Variants in NETO1 observed in about 807,000 individuals in gnomAD.
NETO1 encodes the protein neuropilin and tolloid-like protein 1.
In NETO1, 26 loss-of-function variants were observed where a neutral mutation model predicts 61.3. The ratio of observed to expected loss-of-function variants is 0.42; its 90% CI spans 0.31 to 0.59. The LOEUF (loss-of-function observed/expected upper bound fraction) is 0.59. Ranked by LOEUF, NETO1 falls within the 20% of genes least tolerant of loss-of-function variation. The pLI is 0.12. For missense variants in NETO1, 531 were observed against 662.8 expected (o/e 0.80, Z 2.18); for synonymous variants, 225 against 225.8 (o/e 1.00, Z 0.03).
intron 8 of NETO1, among the ~76,000 whole-genome samples, chr18:72,753,939 C>A (rs2070705440): frequency 6.6e-6 from 1 of 152,078 alleles, no homozygotes; most frequent in Admixed American, 6.5e-5. Flanking sequence ...TACTTGCTGT[C>A]CTTTCTTCTC....
chr18:72,858,117 G>C (rs1348298488), intron 4 of NETO1, among the ~76,000 whole-genome samples: 2 of 152,110 alleles, frequency 1.3e-5, no homozygotes, highest in Non-Finnish European at 2.9e-5. Flanking sequence ...TGCATGTAGT[G>C]TTCTTGCAGT....
intron 4 of NETO1, among the ~76,000 whole-genome samples, chr18:72,824,052 G>A (rs1270112916): frequency 6.6e-6 from 1 of 152,222 alleles, no homozygotes; most frequent in Non-Finnish European, 1.5e-5. Flanking sequence ...TTGGGAACAA[G>A]AGCTTGACTT....
At chr18:72,753,658 A>G (rs990285962) in intron 8 of NETO1, among the ~76,000 whole-genome samples, 2 of 152,222 alleles carry the variant, frequency 1.3e-5, no homozygotes, top group African/African-American at 2.4e-5. Context: ...GTGAATATGT[A>G]AATAATTGCA....
chr18:72,750,188 C>T lies in NETO1; in HGVS notation c.1415G>A (p.Arg472Lys). 1 of 1,613,998 alleles carries T rather than the reference C, an allele frequency of 6.2e-7. No individual in the cohort carries two copies. The highest frequency in any genetic ancestry group is 8.5e-7 in the Non-Finnish European group (1 of 1,179,964). ...PGKPLIPPMN[R>K]RNILVMKHSY... ...GTGTTTCATGACAAGGATATTTCTTCTGTTCATGGGTGGGATGAGGGGTTT... is the reference window on the plus strand; with the variant it reads ...GTGTTTCATGACAAGGATATTTCTTTTGTTCATGGGTGGGATGAGGGGTTT... The change falls in exon 9 of 11, where the codon AGA becomes AAA. Residue 472 changes from arginine to lysine, a missense_variant. Physicochemically the swap from Arg to Lys is conservative, Grantham distance 26. Transcript: ENST00000327305.
chr18:72,850,605 A>G (rs2074220094), intron 4 of NETO1, among the ~76,000 whole-genome samples: 1 of 152,264 alleles, frequency 6.6e-6, no homozygotes, highest in Non-Finnish European at 1.5e-5. Flanking sequence ...TGTTTCTTGA[A>G]TACAATAATG....
Position 72,854,278 on chromosome 18 carries a change from T to C in NETO1, c.469+4548A>G, listed in dbSNP as rs73966692. Among the ~76,000 whole-genome samples, 1,263 of 152,348 alleles carry C rather than the reference T, an allele frequency of 8.3e-3. 15 individuals carry two copies. Among genetic ancestry groups the C allele is most frequent in the African/African-American group, 0.029 (1,214 of 41,590 alleles). The stretch of plus-strand genomic sequence containing the variant: ...TATTTAACAACTCCACTCACTTCAA[T>C]GTCAATGCCTAACTCAGTCCTCACC... On this transcript the variant is annotated intron_variant, in intron 4 of 10. Transcript: ENST00000327305.
intron 4 of NETO1, among the ~76,000 whole-genome samples, chr18:72,845,887 A>G (rs1339639312): frequency 2.0e-5 from 3 of 152,208 alleles, no homozygotes; most frequent in African/African-American, 7.2e-5. Context: ...AAGAGAATAT[A>G]TACATTGTTG....
At chr18:72,865,925 G>A (rs2074720726) in intron 1 of NETO1, among the ~76,000 whole-genome samples, 1 of 152,128 alleles carries the variant, frequency 6.6e-6, no homozygotes. Flanking sequence ...TATAGAAATT[G>A]ATTATTAATT....
intron 4 of NETO1, chr18:72,834,661 T>C (rs2073685430): frequency 1.0e-6 from 1 of 984,912 alleles, no homozygotes; most frequent in Admixed American, 6.2e-5. Context: ...TATTTTTAGT[T>C]CTTCAGTCAT....
chr18:72,862,265 G>A (rs534444269), intron 3 of NETO1, among the ~76,000 whole-genome samples: 71 of 152,174 alleles, frequency 4.7e-4, no homozygotes, highest in Non-Finnish European at 9.0e-4. Context: ...CCAGGCACCT[G>A]CATTTTTAAG....
intron 4 of NETO1, among the ~76,000 whole-genome samples, chr18:72,814,736 C>T (rs1354277118): frequency 6.6e-6 from 1 of 151,820 alleles, no homozygotes; most frequent in African/African-American, 2.4e-5. Context: ...AGAAAAACTT[C>T]AGGGAAAAAA....
chr18:72,824,773 G>A (rs566979996), intron 4 of NETO1, among the ~76,000 whole-genome samples: 5 of 151,580 alleles, frequency 3.3e-5, no homozygotes, highest in South Asian at 4.2e-4. Flanking sequence ...CAGCTACGCC[G>A]GAGGCTAAGG....
intron 4 of NETO1, among the ~76,000 whole-genome samples, chr18:72,827,008 T>C (rs1179289050): frequency 6.6e-6 from 1 of 151,836 alleles, no homozygotes; most frequent in Non-Finnish European, 1.5e-5. Context: ...ACAGTTATTC[T>C]TGAAAACTAC....
In NETO1 at chr18:72,744,689, C is replaced by T. The variant is rs2070394897; in HGVS notation, c.*3490G>A. On this transcript the variant is annotated 3_prime_UTR_variant, in exon 11 of 11. Transcript: ENST00000327305. ...TAAAAATGTTGTTTATTTAACTTCC[C>T]TTCAGAGAGGGAATCTGACATGACT... 6.6e-6 allele frequency: 1 copy of T among 152,226 alleles called. No homozygotes were observed. The highest frequency in any genetic ancestry group is 2.1e-4 in the South Asian group (1 of 4,818). The allele number at this position is 152,226 out of a possible 1,614,324, so 9.4% of individuals were successfully genotyped here.
rs186499692 is a variant in NETO1 at position 72,775,472 on chromosome 18, C to T, written c.868+8206G>A. ...AAATAGCATGTTTCAGAATAGAAAC[C>T]TCTCGTTATAGTGTACTTTTGTCTT... On this transcript the variant is annotated intron_variant, in intron 7 of 10. Coordinates refer to ENST00000327305, the MANE Select transcript of NETO1 (RefSeq NM_138966.5). Among the ~76,000 whole-genome samples, 6 of 152,096 alleles carry T rather than the reference C, an allele frequency of 3.9e-5. 1 individual carries two copies. Among genetic ancestry groups the T allele is most frequent in the Admixed American group, 1.3e-4 (2 of 15,266 alleles).
intron 4 of NETO1, among the ~76,000 whole-genome samples, chr18:72,812,814 A>G (rs1003581629): frequency 2.0e-5 from 3 of 152,148 alleles, no homozygotes; most frequent in Non-Finnish European, 4.4e-5. Context: ...TTCAAGATCC[A>G]TCTCCTAAGT....
chr18:72,751,050 T>TACACACACACACAC (rs764681364), intron 8 of NETO1, among the ~76,000 whole-genome samples: 26,234 of 137,620 alleles, frequency 0.19, 2,812 homozygotes, highest in Admixed American at 0.28. Context: ...CATCTTAAAA[T>TACACACACACACAC]ACACACACAC....
rs2074789647 is a variant in NETO1, at chr18:72,867,918, G to A, written c.-627C>T. The A allele has an allele frequency of 6.6e-6, 1 of 152,300 alleles. No homozygotes were observed. The highest frequency in any genetic ancestry group is 1.5e-5 in the Non-Finnish European group (1 of 67,912). The allele number at this position is 152,300 out of a possible 1,614,324, so 9.4% of individuals were successfully genotyped here. ...CCAGCCCTTGGGGATCTTCCGCTGA[G>A]GCATTGAAGGCAGGAAGAAGGGGTC... is the stretch of plus-strand genomic sequence containing the variant. On this transcript the variant is annotated 5_prime_UTR_variant, in exon 1 of 11. Transcript: ENST00000327305.
chr18:72,821,823 T>C (rs2073209865), intron 4 of NETO1, among the ~76,000 whole-genome samples: 1 of 152,172 alleles, frequency 6.6e-6, no homozygotes, highest in Non-Finnish European at 1.5e-5. Context: ...AGGGCCATAA[T>C]CTGACCTATT....
Sources: gnomAD v4.1 joint callset for allele counts (sites outside exome capture counted in the v4.1 genomes callset) on GRCh38, gnomAD v4.1.1 for gene constraint, MANE v1.5 for transcripts, NCBI Gene and HGNC (gene_info 2026-07-23, HGNC 2026-07-21) for gene names.